The following ST3GAL2 variants were observed in gnomAD, a reference collection of about 807,000 sequenced individuals.
The protein encoded by ST3GAL2 is ST3 beta-galactoside alpha-2,3-sialyltransferase 2.
Under a neutral mutation model 37.5 loss-of-function variants are expected in ST3GAL2, and 16 were observed. The observed-to-expected ratio is 0.43, with a 90% CI of 0.29 to 0.65. The LOEUF (loss-of-function observed/expected upper bound fraction) is 0.65. Among genes scored for constraint, ST3GAL2 ranks in the 30% least tolerant of loss-of-function variants. The pLI, the probability that ST3GAL2 is intolerant of heterozygous loss-of-function variation, is 0.17. For synonymous variants in ST3GAL2, 238 were observed against 202.9 expected (o/e 1.17, Z -1.47); for missense variants, 383 against 487.8 (o/e 0.79, Z 2.02).
intron 3 of ST3GAL2, among the ~76,000 whole-genome samples, chr16:70,388,947 T>G (rs1049342542): frequency 1.3e-5 from 2 of 149,378 alleles, no homozygotes; most frequent in Non-Finnish European, 3.0e-5. Flanking sequence ...TGGTGGCATG[T>G]ACCTGTAATC....
chr16:70,376,598 A>G lies in ST3GAL2; in HGVS notation c.*5091T>C, dbSNP rs917717496. 3 of 152,186 alleles carry G rather than the reference A, an allele frequency of 2.0e-5. No individual in the cohort carries two copies. Among genetic ancestry groups the G allele is most frequent in the Non-Finnish European group, 4.4e-5 (3 of 68,032 alleles). 9.4% of individuals were successfully genotyped at this position (152,186 alleles called of 1,614,324 possible). A position where few individuals can be genotyped will look rare whatever the true frequency, so the allele number is the denominator to read the frequency against. ...GATTTTTTTCACAAAAGTAGTGAGAAGGGGCATTGATTCCTAATTCACACT... is the reference window on the plus strand; with the variant it reads ...GATTTTTTTCACAAAAGTAGTGAGAGGGGGCATTGATTCCTAATTCACACT... On this transcript the variant is annotated 3_prime_UTR_variant, in exon 7 of 7. Transcript: ENST00000342907.
chr16:70,424,153 ATTT>A, intron 1 of ST3GAL2, among the ~76,000 whole-genome samples: 1 of 141,986 alleles, frequency 7.0e-6, no homozygotes, highest in African/African-American at 2.5e-5. Flanking sequence ...CGCCCAGCTA[ATTT>A]TTTTTTTTTT....
intron 1 of ST3GAL2, among the ~76,000 whole-genome samples, chr16:70,435,192 C>T (rs552580552): frequency 1.3e-5 from 2 of 152,302 alleles, no homozygotes; most frequent in South Asian, 4.1e-4. Flanking sequence ...AGTGTCCCCC[C>T]AGTCATTACC....
At chr16:70,433,320 C>G (rs2047803946) in intron 1 of ST3GAL2, among the ~76,000 whole-genome samples, 1 of 152,132 alleles carries the variant, frequency 6.6e-6, no homozygotes, top group South Asian at 2.1e-4. Context: ...CCCTTATGAC[C>G]CAGCCATACC....
At chr16:70,408,462 T>A (rs906980537) in intron 1 of ST3GAL2, among the ~76,000 whole-genome samples, 1 of 151,888 alleles carries the variant, frequency 6.6e-6, no homozygotes, top group African/African-American at 2.4e-5. Flanking sequence ...CCCCAACAAC[T>A]CAAAAGCAGC....
chr16:70,411,273 T>C (rs550081629), intron 1 of ST3GAL2, among the ~76,000 whole-genome samples: 1 of 151,736 alleles, frequency 6.6e-6, no homozygotes, highest in East Asian at 1.9e-4. Flanking sequence ...TATTTCCAGC[T>C]ACTCAGGAGG....
intron 4 of ST3GAL2, 116 bp from the exon 5 acceptor site, chr16:70,383,351 G>C: frequency 1.1e-6 from 1 of 925,584 alleles, no homozygotes; most frequent in South Asian, 1.7e-5. Context: ...AGGAGTTCGA[G>C]GCCAGCCGGA....
chr16:70,399,315 A>C lies in ST3GAL2; in HGVS notation c.-785T>G. The C allele has an allele frequency of 2.5e-6, 1 of 398,794 alleles. No homozygotes were observed. The highest frequency in any genetic ancestry group is 4.4e-6 in the Non-Finnish European group (1 of 226,246). 24.7% of individuals were successfully genotyped at this position (398,794 alleles called of 1,614,324 possible). On this transcript the variant is annotated 5_prime_UTR_variant, in exon 2 of 7. Transcript: ENST00000342907. ...GCTGTGGGGTCCTCTGGCGCTGGGAACAGCTGCTGTTCAGCGGGGCACTGT... is the reference window on the plus strand; with the variant it reads ...GCTGTGGGGTCCTCTGGCGCTGGGACCAGCTGCTGTTCAGCGGGGCACTGT...
Position 70,438,294 on chromosome 16 carries a change from A to T in ST3GAL2, c.-1004+655T>A, listed in dbSNP as rs116840827. 1.2e-3 allele frequency among the ~76,000 whole-genome samples: 182 copies of T among 152,232 alleles called. 1 individual carries two copies. Among genetic ancestry groups the T allele is most frequent in the Non-Finnish European group, 2.3e-3 (157 of 68,010 alleles). ...CACAGGGGAATGACTGGGGGTAAGAAATGACTTCCATTCCAAGGCAGAGAA... is the reference window on the plus strand; with the variant it reads ...CACAGGGGAATGACTGGGGGTAAGATATGACTTCCATTCCAAGGCAGAGAA... On this transcript the variant is annotated intron_variant, in intron 1 of 6. Transcript: ENST00000342907.
At chr16:70,406,389 T>TA (rs767699819) in intron 1 of ST3GAL2, among the ~76,000 whole-genome samples, 4 of 152,038 alleles carry the variant, frequency 2.6e-5, no homozygotes, top group African/African-American at 7.2e-5. Flanking sequence ...GAGGCACCTG[T>TA]AGTCCCAGCT....
At chr16:70,417,859 TCTGA>T (rs2047686488) in intron 1 of ST3GAL2, among the ~76,000 whole-genome samples, 1 of 152,048 alleles carries the variant, frequency 6.6e-6, no homozygotes, top group African/African-American at 2.4e-5. Context: ...AACGCTGCCC[TCTGA>T]CTGCCTCCAG....
At chr16:70,407,594 G>A (rs1296416321) in intron 1 of ST3GAL2, among the ~76,000 whole-genome samples, 1 of 152,196 alleles carries the variant, frequency 6.6e-6, no homozygotes, top group African/African-American at 2.4e-5. Context: ...GGCAGCAAGG[G>A]CCTTGAAGAC....
chr16:70,384,940 C>T (rs4985409), intron 4 of ST3GAL2, among the ~76,000 whole-genome samples: 43,906 of 151,104 alleles, frequency 0.29, 7,811 homozygotes, highest in Non-Finnish European at 0.39. Context: ...ACCCAGGAGG[C>T]AGAGGTTGCA....
chr16:70,436,165 C>T (rs868129275), intron 1 of ST3GAL2, among the ~76,000 whole-genome samples: 2 of 150,438 alleles, frequency 1.3e-5, no homozygotes, highest in African/African-American at 2.4e-5. Flanking sequence ...CGGTGACTCA[C>T]GCCTGTAATC....
At position 70,395,339 on chromosome 16, in the gene ST3GAL2, G is replaced by C. The variant is rs150683133; in HGVS notation, c.340-164C>G. 2.6e-3 allele frequency among the ~76,000 whole-genome samples: 400 copies of C among 152,350 alleles called. 3 individuals carry two copies. Among genetic ancestry groups the C allele is most frequent in the African/African-American group, 9.4e-3 (389 of 41,580 alleles). On this transcript the variant is annotated intron_variant, in intron 2 of 6. Coordinates refer to ENST00000342907, the MANE Select transcript of ST3GAL2 (RefSeq NM_006927.4). ...AGGGGTTCTTTCCTCTGGGCAGTGA[G>C]GGTCTCTCCCTCTCTCAACAACAGC... is the stretch of plus-strand genomic sequence containing the variant.
At chr16:70,423,930 C>T (rs1402410337) in intron 1 of ST3GAL2, among the ~76,000 whole-genome samples, 8 of 151,574 alleles carry the variant, frequency 5.3e-5, no homozygotes, top group African/African-American at 1.7e-4. Context: ...TGGTGGCAAG[C>T]GCCTGTAGTC....
At chr16:70,413,597 G>A (rs1353363920) in intron 1 of ST3GAL2, among the ~76,000 whole-genome samples, 6 of 147,718 alleles carry the variant, frequency 4.1e-5, no homozygotes, top group South Asian at 2.1e-4. Context: ...TTAGCCAGGC[G>A]TGGTTGCGCA....
chr16:70,398,504 G>T lies in ST3GAL2; in HGVS notation c.27C>A (p.Phe9Leu). 6.2e-7 allele frequency: 1 copy of T among 1,611,126 alleles called. No individual in the cohort carries two copies. Among genetic ancestry groups the T allele is most frequent in the South Asian group, 1.1e-5 (1 of 90,954 alleles). MKCSLRVWFLSVAFLLVFI... is the reference protein window; with the variant it reads MKCSLRVWLLSVAFLLVFI... Reference sequence around the variant, plus strand: ...ACACCAGCAGGAAGGCCACGGAGAGGAACCACACCCGCAGGGAGCACTTCA... The same window carrying T: ...ACACCAGCAGGAAGGCCACGGAGAGTAACCACACCCGCAGGGAGCACTTCA... Residue 9 changes from phenylalanine to leucine, a missense_variant, in exon 2 of 7, where the codon TTC becomes TTA. By Grantham distance (22) the Phe-to-Leu change is conservative (BLOSUM62 0). Around this residue, in one of 2 missense-constraint regions of ST3GAL2, gnomAD observed 223 missense variants for 239.1 expected, o/e 0.93. Coordinates refer to ENST00000342907, the MANE Select transcript of ST3GAL2 (RefSeq NM_006927.4).
intron 1 of ST3GAL2, among the ~76,000 whole-genome samples, chr16:70,412,638 A>C (rs2047646962): frequency 6.6e-6 from 1 of 152,118 alleles, no homozygotes; most frequent in African/African-American, 2.4e-5. Context: ...AAGCAAAATA[A>C]AGTTATATTA....
Sources: gnomAD v4.1 joint callset for allele counts (sites outside exome capture counted in the v4.1 genomes callset) on GRCh38, gnomAD v4.1.1 for gene constraint, gnomAD v4.1.1 regional missense constraint, MANE v1.5 for transcripts, NCBI Gene and HGNC (gene_info 2026-07-23, HGNC 2026-07-21) for gene names.